GRM8: variants seen among roughly 807,000 people sequenced by gnomAD.
GRM8 encodes glutamate metabotropic receptor 8.
Under a neutral mutation model 87.2 loss-of-function variants are expected in GRM8, and 47 were observed. That is an observed-to-expected ratio of 0.54 (90% CI 0.43 to 0.69). The LOEUF is 0.69. GRM8 is among the 30% of genes least tolerant of loss of function. The probability of loss-of-function intolerance (pLI) is 0.00; values close to 1 mark genes in which losing one functional copy is unlikely to be tolerated. For synonymous variants in GRM8, 396 were observed against 404.5 expected, an observed-to-expected ratio of 0.98 and a Z score of 0.25; for missense variants, 1,019 against 1,139.2, an observed-to-expected ratio of 0.89 and a Z score of 1.52.
intron 2 of GRM8, among the ~76,000 whole-genome samples, chr7:127,187,458 T>C (rs1415451828): frequency 2.6e-5 from 4 of 152,190 alleles, no homozygotes; most frequent in African/African-American, 7.2e-5. Context: ...TCTGTCTGCA[T>C]AGTTTAAGTG....
At chr7:126,606,452 A>G (rs1798356602) in intron 8 of GRM8, among the ~76,000 whole-genome samples, 1 of 152,296 alleles carries the variant, frequency 6.6e-6, no homozygotes, top group South Asian at 2.1e-4. Flanking sequence ...CATTTTAGAC[A>G]TGATAAAACT....
chr7:127,111,021 T>C (rs1246580626), intron 2 of GRM8: 2 of 152,228 alleles, frequency 1.3e-5, no homozygotes, highest in Non-Finnish European at 2.9e-5. Flanking sequence ...TGAGAAATAC[T>C]TGAAGTCCAT....
At chr7:126,963,253 A>G (rs1809497251) in intron 3 of GRM8, among the ~76,000 whole-genome samples, 1 of 152,202 alleles carries the variant, frequency 6.6e-6, no homozygotes, top group Admixed American at 6.5e-5. Context: ...TCATTTTTGC[A>G]TATCTGATAC....
At chr7:126,933,080 T>C (rs534934575) in intron 3 of GRM8, among the ~76,000 whole-genome samples, 68 of 152,290 alleles carry the variant, frequency 4.5e-4, no homozygotes, top group African/African-American at 1.6e-3. Flanking sequence ...CTCTAAGGAA[T>C]TATGTGTGCT....
At chr7:127,058,693 A>G (rs766360965) in intron 3 of GRM8, among the ~76,000 whole-genome samples, 1 of 152,208 alleles carries the variant, frequency 6.6e-6, no homozygotes, top group Non-Finnish European at 1.5e-5. Flanking sequence ...GACTACAGAC[A>G]TTTATATAAG....
intron 7 of GRM8, among the ~76,000 whole-genome samples, chr7:126,649,687 G>A (rs1803576225): frequency 6.6e-6 from 1 of 152,112 alleles, no homozygotes; most frequent in Non-Finnish European, 1.5e-5. Context: ...CAAGAAAGAG[G>A]CACAGCGCCT....
At chr7:127,105,572 G>A (rs1035848050) in intron 3 of GRM8, among the ~76,000 whole-genome samples, 18 of 151,968 alleles carry the variant, frequency 1.2e-4, no homozygotes, top group African/African-American at 4.1e-4. Flanking sequence ...TCTCTGAGTC[G>A]AGGCCTCTAA....
intron 9 of GRM8, among the ~76,000 whole-genome samples, chr7:126,518,600 T>C (rs1002225977): frequency 6.6e-6 from 1 of 152,058 alleles, no homozygotes; most frequent in Non-Finnish European, 1.5e-5. Flanking sequence ...TACGTTTGTA[T>C]CATGCTATGT....
intron 3 of GRM8, among the ~76,000 whole-genome samples, chr7:126,922,158 C>A (rs538132524): frequency 6.6e-6 from 1 of 152,086 alleles, no homozygotes; most frequent in African/African-American, 2.4e-5. Flanking sequence ...TATGACAAAG[C>A]AAGAAATGAT....
At chr7:126,565,667 T>G (rs1794153217) in intron 8 of GRM8, among the ~76,000 whole-genome samples, 1 of 148,676 alleles carries the variant, frequency 6.7e-6, no homozygotes, top group Non-Finnish European at 1.5e-5. Context: ...CCAAAGAAAT[T>G]TCATAGAAGT....
At chr7:127,141,561 T>C (rs965148388) in intron 2 of GRM8, among the ~76,000 whole-genome samples, 3 of 152,178 alleles carry the variant, frequency 2.0e-5, no homozygotes, top group Non-Finnish European at 4.4e-5. Flanking sequence ...TGAAAGACTT[T>C]CACAGTTGTC....
intron 9 of GRM8, among the ~76,000 whole-genome samples, chr7:126,476,234 T>C (rs1289372898): frequency 2.0e-5 from 3 of 151,984 alleles, no homozygotes; most frequent in Non-Finnish European, 1.5e-5. Context: ...CTGGGCAACA[T>C]AGCAATACTC....
chr7:126,527,074 G>A (rs1813963744), intron 9 of GRM8, among the ~76,000 whole-genome samples: 1 of 152,094 alleles, frequency 6.6e-6, no homozygotes. Flanking sequence ...ATGTTATATA[G>A]TTGGCTGGGC....
intron 9 of GRM8, among the ~76,000 whole-genome samples, chr7:126,517,905 A>C (rs1812411897): frequency 6.6e-6 from 1 of 152,132 alleles, no homozygotes. Context: ...GTCTTAAACT[A>C]TCATGAATTT....
chr7:126,498,671 T>C (rs948470597), intron 9 of GRM8, among the ~76,000 whole-genome samples: 3 of 151,986 alleles, frequency 2.0e-5, no homozygotes, highest in Non-Finnish European at 4.4e-5. Context: ...AAATATTTTA[T>C]AGCATAATTT....
chr7:126,912,395 C>T (rs1358398986), intron 3 of GRM8, among the ~76,000 whole-genome samples: 1 of 152,200 alleles, frequency 6.6e-6, no homozygotes, highest in African/African-American at 2.4e-5. Flanking sequence ...TTCTCCTGCT[C>T]TCAGTGCCTC....
chr7:126,678,321 C>G (rs1263677038), intron 7 of GRM8, among the ~76,000 whole-genome samples: 1 of 152,004 alleles, frequency 6.6e-6, no homozygotes, highest in Non-Finnish European at 1.5e-5. Flanking sequence ...GACTAGTGTT[C>G]TTGATTCAAA....
At chr7:126,500,387 G>A (rs1246798995) in intron 9 of GRM8, among the ~76,000 whole-genome samples, 1 of 151,932 alleles carries the variant, frequency 6.6e-6, no homozygotes, top group Admixed American at 6.6e-5. Context: ...CAGGAGGAGA[G>A]AAGGGATTTT....
intron 9 of GRM8, among the ~76,000 whole-genome samples, chr7:126,498,962 G>T (rs1809208939): frequency 6.6e-6 from 1 of 151,954 alleles, no homozygotes; most frequent in South Asian, 2.1e-4. Context: ...ATCATGACAA[G>T]AATACAAATG....
Sources: gnomAD v4.1 joint callset for allele counts (sites outside exome capture counted in the v4.1 genomes callset) on GRCh38, gnomAD v4.1.1 for gene constraint, MANE v1.5 for transcripts, NCBI Gene and HGNC (gene_info 2026-07-23, HGNC 2026-07-21) for gene names.